LMNTD1: variants seen among roughly 807,000 people sequenced by gnomAD.
LMNTD1 encodes lamin tail domain containing 1.
In LMNTD1, 35 loss-of-function variants were observed where a neutral mutation model predicts 50.9. The observed-to-expected ratio is 0.69, with a 90% confidence interval of 0.53 to 0.91. The LOEUF (loss-of-function observed/expected upper bound fraction) is 0.91, where lower values mean the gene tolerates loss of function less well. Ranked by LOEUF, LMNTD1 falls within the 40% of genes least tolerant of loss-of-function variation. The pLI, the probability that LMNTD1 is intolerant of heterozygous loss-of-function variation, is 0.00. For missense variants in LMNTD1, 470 were observed against 475.5 expected (o/e 0.99, Z 0.11); for synonymous variants, 153 against 161.9 (o/e 0.94, Z 0.42).
At chr12:25,563,410 C>T (rs1565483813) in intron 1 of LMNTD1, among the ~76,000 whole-genome samples, 2 of 152,230 alleles carry the variant, frequency 1.3e-5, no homozygotes, top group African/African-American at 4.8e-5. Context: ...TGGAGGTCCA[C>T]TCCAAACGCT....
chr12:25,623,925 G>C (rs552499550), intron 1 of LMNTD1, among the ~76,000 whole-genome samples: 1 of 152,288 alleles, frequency 6.6e-6, no homozygotes, highest in Non-Finnish European at 1.5e-5. Context: ...GTACTCACAG[G>C]TTGGACTTGA....
At chr12:25,628,087 G>A (rs1386334324) in intron 1 of LMNTD1, among the ~76,000 whole-genome samples, 3 of 128,388 alleles carry the variant, frequency 2.3e-5, no homozygotes, top group African/African-American at 6.2e-5. Context: ...CAGCCTGGGC[G>A]ACAGAGTGAA....
intron 1 of LMNTD1, among the ~76,000 whole-genome samples, chr12:25,607,525 T>G (rs555351538): frequency 6.6e-6 from 1 of 152,368 alleles, no homozygotes; most frequent in African/African-American, 2.4e-5. Flanking sequence ...GAGATTCTGG[T>G]TCATTGTGTC....
At chr12:25,621,076 T>G (rs1040456102) in intron 1 of LMNTD1, among the ~76,000 whole-genome samples, 14 of 152,202 alleles carry the variant, frequency 9.2e-5, no homozygotes, top group African/African-American at 3.4e-4. Context: ...CTCTATTCAT[T>G]AGCTGTTGAC....
intron 8 of LMNTD1, among the ~76,000 whole-genome samples, chr12:25,510,026 T>A (rs1309690226): frequency 1.3e-5 from 2 of 152,242 alleles, no homozygotes; most frequent in Admixed American, 6.5e-5. Context: ...TAGGAAACTA[T>A]ACAGTTGTCA....
At chr12:25,612,391 T>A (rs1317116260) in intron 1 of LMNTD1, among the ~76,000 whole-genome samples, 1 of 151,964 alleles carries the variant, frequency 6.6e-6, no homozygotes, top group East Asian at 1.9e-4. Context: ...TCACTGTGGA[T>A]TTTACACTTT....
At chr12:25,644,228 G>A (rs1171445550) in intron 1 of LMNTD1, among the ~76,000 whole-genome samples, 1 of 142,262 alleles carries the variant, frequency 7.0e-6, no homozygotes, top group Non-Finnish European at 1.5e-5. Flanking sequence ...GTAATCCCAG[G>A]ACTTTGGGAG....
At chr12:25,611,690 C>T (rs1473234340) in intron 1 of LMNTD1, among the ~76,000 whole-genome samples, 2 of 152,132 alleles carry the variant, frequency 1.3e-5, no homozygotes, top group Non-Finnish European at 2.9e-5. Flanking sequence ...CACATACGTA[C>T]ACACACACAG....
chr12:25,605,269 A>G (rs1159166621), intron 1 of LMNTD1, among the ~76,000 whole-genome samples: 3 of 151,792 alleles, frequency 2.0e-5, no homozygotes, highest in African/African-American at 7.3e-5. Flanking sequence ...AGTAGGTTGC[A>G]AAAATTTTCT....
chr12:25,601,839 T>C (rs143707014), intron 1 of LMNTD1, among the ~76,000 whole-genome samples: 79 of 152,046 alleles, frequency 5.2e-4, no homozygotes, highest in Middle Eastern at 3.4e-3. Flanking sequence ...TGGGGGTACA[T>C]TTGGTATTTT....
chr12:25,546,822 CTATT>C (rs1943463920), intron 3 of LMNTD1, among the ~76,000 whole-genome samples: 2 of 151,634 alleles, frequency 1.3e-5, no homozygotes, highest in East Asian at 1.9e-4. Flanking sequence ...AGAATAATGA[CTATT>C]TAACTGATTA....
intron 3 of LMNTD1, among the ~76,000 whole-genome samples, chr12:25,548,464 G>A (rs754113215): frequency 6.6e-6 from 1 of 151,760 alleles, no homozygotes; most frequent in Non-Finnish European, 1.5e-5. Context: ...GTGCTTACAG[G>A]TAAGTTCAGA....
At chr12:25,609,196 A>C (rs1946188459) in intron 1 of LMNTD1, among the ~76,000 whole-genome samples, 1 of 151,944 alleles carries the variant, frequency 6.6e-6, no homozygotes. Flanking sequence ...GCTTCTCTAT[A>C]CTGTTTATTC....
At chr12:25,560,606 T>A (rs1485078991) in intron 1 of LMNTD1, among the ~76,000 whole-genome samples, 1 of 152,212 alleles carries the variant, frequency 6.6e-6, no homozygotes, top group East Asian at 1.9e-4. Flanking sequence ...TTGATGGGGA[T>A]GGCATTGAAT....
At chr12:25,564,271 C>T (rs12425298) in intron 1 of LMNTD1, among the ~76,000 whole-genome samples, 3,679 of 152,228 alleles carry the variant, frequency 0.024, 81 homozygotes, top group South Asian at 0.065. Context: ...TTGGAACCTC[C>T]TCCTTCAAAA....
In LMNTD1 at chr12:25,622,472, C is replaced by CCG. The variant is rs1555124285; in HGVS notation, c.58+26021_58+26022insCG. On this transcript the variant is annotated intron_variant, in intron 1 of 7. Transcript: ENST00000445693. ...GACCTTGAGTTTGTGAGCCCGCCCC[C>CCG]CCCCGCAAAATAATATCAACATCAT... Among the ~76,000 whole-genome samples the CCG allele has an allele frequency of 1.6e-4, 22 of 137,738 alleles. 1 individual carries two copies. The highest frequency in any genetic ancestry group is 5.9e-4 in the African/African-American group (22 of 37,382). The allele number at this position is 137,738 out of a possible 152,430, so 90.4% of individuals were successfully genotyped here. A position where few individuals can be genotyped will look rare whatever the true frequency, so the allele number is the denominator to read the frequency against.
intron 8 of LMNTD1, among the ~76,000 whole-genome samples, chr12:25,515,945 T>C (rs970486181): frequency 2.0e-5 from 2 of 100,500 alleles, no homozygotes; most frequent in East Asian, 7.3e-4. Context: ...TGTCTGGTTT[T>C]TTTTCTTTGC....
At chr12:25,593,978 C>T (rs771115567) in intron 1 of LMNTD1, among the ~76,000 whole-genome samples, 14 of 151,844 alleles carry the variant, frequency 9.2e-5, no homozygotes, top group East Asian at 7.7e-4. Flanking sequence ...CTTCAGAGCT[C>T]GAAGACAAGG....
intron 9 of LMNTD1, among the ~76,000 whole-genome samples, chr12:25,499,160 C>T (rs767634814): frequency 2.6e-5 from 4 of 152,164 alleles, no homozygotes; most frequent in Non-Finnish European, 5.9e-5. Context: ...CAGACTTAAC[C>T]TCCTGGGCTC....
Sources: allele counts gnomAD v4.1 joint callset (sites outside exome capture counted in the v4.1 genomes callset), GRCh38; gene constraint gnomAD v4.1.1; transcripts MANE v1.5; gene names NCBI Gene and HGNC (gene_info 2026-07-23, HGNC 2026-07-21).